The following DCC variants were observed in gnomAD, a reference collection of about 807,000 sequenced individuals.
DCC encodes DCC netrin 1 receptor.
In DCC, 58 loss-of-function variants were observed where a neutral mutation model predicts 172.5. The observed-to-expected ratio is 0.34, with a 90% confidence interval of 0.27 to 0.42. The LOEUF is 0.42. Among genes scored for constraint, DCC ranks in the 10% least tolerant of loss-of-function variants. The probability of loss-of-function intolerance (pLI) is 1.00; values close to 1 mark genes in which losing one functional copy is unlikely to be tolerated. For synonymous variants in DCC, 709 were observed against 644.5 expected, an observed-to-expected ratio of 1.10 and a Z score of -1.52; for missense variants, 1,740 against 1,791.0, an observed-to-expected ratio of 0.97 and a Z score of 0.51.
At chr18:53,403,340 A>G (rs1909445642) in intron 19 of DCC, among the ~76,000 whole-genome samples, 1 of 152,092 alleles carries the variant, frequency 6.6e-6, no homozygotes, top group Admixed American at 6.6e-5. Context: ...GGGGATTTTT[A>G]GTTTCTCACT....
chr18:52,732,626 A>G (rs1044142004), intron 1 of DCC, among the ~76,000 whole-genome samples: 2 of 152,186 alleles, frequency 1.3e-5, no homozygotes, highest in African/African-American at 2.4e-5. Flanking sequence ...GGCCCTTTGC[A>G]GAAGAAAGTT....
In DCC at chr18:52,879,575, G is replaced by C. The variant is rs558505060; in HGVS notation, c.413-26469G>C. Among the ~76,000 whole-genome samples, 10 of 151,898 alleles carry C rather than the reference G, an allele frequency of 6.6e-5. No homozygotes were observed. In the South Asian group the frequency reaches 2.1e-3, roughly 32 times the overall value. On this transcript the variant is annotated intron_variant, in intron 2 of 28. Coordinates refer to ENST00000442544, the MANE Select transcript of DCC (RefSeq NM_005215.4). ...AGAGCTGGTAGAGCTGGTATTACAAGCATGTGCCATTATGCCCAGGTAATT... is the reference window on the plus strand; with the variant it reads ...AGAGCTGGTAGAGCTGGTATTACAACCATGTGCCATTATGCCCAGGTAATT...
chr18:52,513,905 A>G (rs915254027), intron 1 of DCC, among the ~76,000 whole-genome samples: 1 of 152,352 alleles, frequency 6.6e-6, no homozygotes, highest in African/African-American at 2.4e-5. Flanking sequence ...CCTAAAAGCC[A>G]CAATTCCATC....
intron 15 of DCC, among the ~76,000 whole-genome samples, chr18:53,353,953 C>T (rs1386846247): frequency 1.3e-5 from 2 of 152,134 alleles, no homozygotes; most frequent in African/African-American, 4.8e-5. Flanking sequence ...TGATGTTCCC[C>T]TTCCTGTGTC....
intron 2 of DCC, among the ~76,000 whole-genome samples, chr18:52,879,912 G>A (rs57517051): frequency 6.6e-6 from 1 of 152,210 alleles, no homozygotes; most frequent in East Asian, 1.9e-4. Flanking sequence ...GTACATAGTA[G>A]GTGTATATAT....
At chr18:52,764,634 G>A (rs1483054326) in intron 2 of DCC, among the ~76,000 whole-genome samples, 1 of 152,192 alleles carries the variant, frequency 6.6e-6, no homozygotes, top group Non-Finnish European at 1.5e-5. Flanking sequence ...ACAAATGGAA[G>A]CAGCTTGAGG....
chr18:53,369,686 T>A (rs2058040425), intron 15 of DCC, among the ~76,000 whole-genome samples: 1 of 151,876 alleles, frequency 6.6e-6, no homozygotes, highest in Admixed American at 6.6e-5. Flanking sequence ...ACTGAAAGGG[T>A]GTTGAATTTT....
chr18:53,427,623 G>A (rs560849993), intron 21 of DCC, among the ~76,000 whole-genome samples: 5 of 151,174 alleles, frequency 3.3e-5, no homozygotes, highest in African/African-American at 1.2e-4. Context: ...TTTCTCACCT[G>A]AAATCTTTAA....
intron 1 of DCC, among the ~76,000 whole-genome samples, chr18:52,719,160 C>G (rs1014774325): frequency 6.6e-6 from 1 of 152,028 alleles, no homozygotes. Flanking sequence ...CCTACAGGTA[C>G]ACTAGTCATT....
intron 1 of DCC, among the ~76,000 whole-genome samples, chr18:52,733,516 A>G (rs1326278897): frequency 6.6e-6 from 1 of 151,998 alleles, no homozygotes; most frequent in African/African-American, 2.4e-5. Context: ...TTTGTTTGAG[A>G]CAGGGTCTCA....
intron 5 of DCC, among the ~76,000 whole-genome samples, chr18:53,022,322 T>C (rs2041892061): frequency 6.6e-6 from 1 of 152,094 alleles, no homozygotes; most frequent in Non-Finnish European, 1.5e-5. Flanking sequence ...GTATTATCTC[T>C]GTGGAGTTGG....
intron 1 of DCC, among the ~76,000 whole-genome samples, chr18:52,702,602 C>T (rs1365416402): frequency 6.6e-6 from 1 of 151,930 alleles, no homozygotes; most frequent in East Asian, 1.9e-4. Context: ...TACTGGACTC[C>T]CTTCATTATT....
At chr18:53,219,793 C>T (rs752324729) in intron 12 of DCC, among the ~76,000 whole-genome samples, 2 of 152,146 alleles carry the variant, frequency 1.3e-5, no homozygotes, top group African/African-American at 4.8e-5. Context: ...GTTCAGCAAT[C>T]ATATGATTTC....
chr18:52,661,198 A>T (rs150816058), intron 1 of DCC, among the ~76,000 whole-genome samples: 1 of 152,222 alleles, frequency 6.6e-6, no homozygotes, highest in Admixed American at 6.5e-5. Context: ...ACTCCAGGAC[A>T]ACACAAGAAT....
chr18:53,235,715 C>T (rs1465891495), intron 12 of DCC, among the ~76,000 whole-genome samples: 1 of 152,074 alleles, frequency 6.6e-6, no homozygotes, highest in African/African-American at 2.4e-5. Context: ...CAACATCATC[C>T]ATCTCCAGAA....
At chr18:53,520,406 G>T in intron 27 of DCC, among the ~76,000 whole-genome samples, 1 of 152,038 alleles carries the variant, frequency 6.6e-6, no homozygotes, top group Non-Finnish European at 1.5e-5. Context: ...ATGTTCATTT[G>T]GTTTAAATGG....
In DCC at chr18:53,410,564, T is replaced by C; in HGVS notation, c.3048T>C (p.Thr1016=). Residue 1016 remains threonine (T), a synonymous_variant, in exon 20 of 29, where the codon ACT becomes ACC. Transcript: ENST00000442544. The part of the protein sequence containing the change: ...THQIMDLNLD[T]MYYFRIQARN... Reference sequence around the variant, plus strand: ...AAATCATGGATCTCAACCTTGATACTATGTATTACTTTCGAATTCAAGCAC... The same window carrying C: ...AAATCATGGATCTCAACCTTGATACCATGTATTACTTTCGAATTCAAGCAC... 1 of 1,608,492 alleles carries C rather than the reference T, an allele frequency of 6.2e-7. No individual in the cohort carries two copies. The highest frequency in any genetic ancestry group is 8.5e-7 in the Non-Finnish European group (1 of 1,174,840).
intron 12 of DCC, among the ~76,000 whole-genome samples, chr18:53,255,252 A>G (rs1275408192): frequency 6.6e-6 from 1 of 151,394 alleles, no homozygotes; most frequent in Non-Finnish European, 1.5e-5. Flanking sequence ...TTTAGGGTAC[A>G]TGTGCACAAC....
chr18:53,310,179 AGC>A (rs2057250141), intron 13 of DCC, among the ~76,000 whole-genome samples: 1 of 152,010 alleles, frequency 6.6e-6, no homozygotes, highest in Non-Finnish European at 1.5e-5. Context: ...GGAACCAGGG[AGC>A]GCTACATACT....
Sources: allele counts gnomAD v4.1 joint callset (sites outside exome capture counted in the v4.1 genomes callset), GRCh38; gene constraint gnomAD v4.1.1; transcripts MANE v1.5; gene names NCBI Gene and HGNC (gene_info 2026-07-23, HGNC 2026-07-21).